The following ZNF414 variants were observed in gnomAD, a reference collection of about 807,000 sequenced individuals.
ZNF414 encodes zinc finger protein 414.
ZNF414 carries 32 observed loss-of-function variants against 38.3 expected under a neutral mutation model. The ratio of observed to expected loss-of-function variants is 0.83; its 90% confidence interval spans 0.63 to 1.12. The LOEUF is 1.12. ZNF414 is among the 50% of genes most tolerant of loss of function. ZNF414 has a pLI of 0.00. For missense variants in ZNF414, 589 were observed against 557.4 expected (o/e 1.06, Z -0.57); for synonymous variants, 256 against 248.0 (o/e 1.03, Z -0.30).
rs1200533335 is a variant in ZNF414 at position 8,510,884 on chromosome 19, C to T, written c.1066G>A (p.Ala356Thr). Residue 356 changes from alanine to threonine, a missense_variant, in exon 7 of 8, where the codon GCG becomes ACG. Physicochemically the swap from Ala to Thr is moderately conservative, Grantham distance 58 (BLOSUM62 0). Transcript: ENST00000393927. ...DHRPGAPAAPAAGPPRPDAPA... is the reference protein window; with the variant it reads ...DHRPGAPAAPTAGPPRPDAPA... ...GCGTCGGGGCGCGGCGGCCCGGCCG[C>T]GGGGGCCGCGGGGGCGCCGGGGCGG... The T allele has an allele frequency of 4.5e-6, 5 of 1,117,348 alleles. No homozygotes were observed. The highest frequency in any genetic ancestry group is 5.5e-6 in the Non-Finnish European group (5 of 905,806). 69.2% of individuals were successfully genotyped at this position (1,117,348 alleles called of 1,614,324 possible).
intron 6 of ZNF414, 59 bp downstream of exon 6, chr19:8,511,427 C>T (rs200952734): frequency 1.3e-6 from 2 of 1,585,114 alleles, no homozygotes; most frequent in East Asian, 2.3e-5. Context: ...TCCACCAGAC[C>T]CCGCAGGGCG....
Position 8,513,102 on chromosome 19 carries a change from G to T in ZNF414, c.243C>A (p.Pro81=). ...APDSCQPGPG[P]SPGLTSIVSG... Reference sequence around the variant, plus strand: ...AGACTATGCTGGTCAGGCCAGGGCTGGGTCCGGGGCCAGGCTGGCAGCTGT... The same window carrying T: ...AGACTATGCTGGTCAGGCCAGGGCTTGGTCCGGGGCCAGGCTGGCAGCTGT... The change falls in exon 2 of 8, where the codon CCC becomes CCA. Residue 81 remains proline (P), a synonymous_variant. Coordinates refer to ENST00000393927, the MANE Select transcript of ZNF414 (RefSeq NM_001146175.2). 6.5e-7 allele frequency: 1 copy of T among 1,533,864 alleles called. No homozygotes were observed. The highest frequency in any genetic ancestry group is 1.4e-5 in the African/African-American group (1 of 72,476).
At position 8,511,701 on chromosome 19, in the gene ZNF414, G is replaced by T; in HGVS notation, c.790C>A (p.Leu264Ile). ...AAGGGGCGCAGGCGCGGGGGGCTTA[G>T]GCCAAAGGGCGCAGGGTTCAAGTAG... ...LPYLNPAPFG[L>I]SPPRLRPFLA... Residue 264 changes from leucine to isoleucine, a missense_variant, in exon 5 of 8, where the codon CTA (leucine) becomes ATA (isoleucine). By Grantham distance (5) the Leu-to-Ile change is conservative (BLOSUM62 2). Coordinates refer to ENST00000393927, the MANE Select transcript of ZNF414 (RefSeq NM_001146175.2). 6.7e-7 allele frequency: 1 copy of T among 1,489,772 alleles called. No homozygotes were observed. 92.3% of individuals were successfully genotyped at this position (1,489,772 alleles called of 1,614,324 possible).
Position 8,511,679 on chromosome 19 carries a change from G to C in ZNF414, c.812C>G (p.Pro271Arg). The change falls in exon 5 of 8, where the codon CCC becomes CGC. Residue 271 changes from proline (P) to arginine (R), a missense_variant. Pro to Arg is a moderately radical substitution (Grantham distance 103). Transcript: ENST00000393927. ...CGGCCCGGGTGCAGCGGCCAGGAAG[G>C]GGCGCAGGCGCGGGGGGCTTAGGCC... ...PFGLSPPRLR[P>R]FLAAAPGPPA... 2.7e-6 allele frequency: 4 copies of C among 1,496,928 alleles called. No homozygotes were observed. Among genetic ancestry groups the C allele is most frequent in the Non-Finnish European group, 3.5e-6 (4 of 1,127,956 alleles). The allele number at this position is 1,496,928 out of a possible 1,614,324, so 92.7% of individuals were successfully genotyped here.
In ZNF414 at chr19:8,510,973, G is replaced by C. The variant is rs572372315; in HGVS notation, c.977C>G (p.Ser326Trp). The change falls in exon 7 of 8, where the codon TCG (serine) becomes TGG (tryptophan). Residue 326 changes from serine to tryptophan, a missense_variant. Physicochemically the swap from Ser to Trp is radical, Grantham distance 177 (BLOSUM62 -3). Coordinates refer to ENST00000393927, the MANE Select transcript of ZNF414 (RefSeq NM_001146175.2). ...CGTGGAGAAGGCGCACTGCATGCAC[G>C]AGTAGCGGCCGCGTGTGTGCTCCCA... ...IVWEHTRGRY[S>W]CMQCAFSTAS... is the part of the protein sequence containing the mutation. 1 of 1,267,654 alleles carries C rather than the reference G, an allele frequency of 7.9e-7. No homozygotes were observed. The highest frequency in any genetic ancestry group is 1.6e-5 in the African/African-American group (1 of 64,498). The allele number at this position is 1,267,654 out of a possible 1,614,324, so 78.5% of individuals were successfully genotyped here. A position where few individuals can be genotyped will look rare whatever the true frequency, so the allele number is the denominator to read the frequency against.
At chr19:8,511,243 G>A (rs1475661892) in intron 6 of ZNF414, 7 of 1,373,100 alleles carry the variant, frequency 5.1e-6, no homozygotes, top group Non-Finnish European at 6.6e-6. Flanking sequence ...CAGATTCACT[G>A]TTGGGGAGAA....
At chr19:8,511,301 A>G in intron 6 of ZNF414, 185 bp downstream of exon 6, 1 of 1,430,140 alleles carries the variant, frequency 7.0e-7, no homozygotes, top group Non-Finnish European at 9.1e-7. Context: ...TTATACGGGA[A>G]CGCCGGCGCA....
chr19:8,514,008 G>T, intron 1 of ZNF414, 36 bp downstream of exon 1: 1 of 1,441,146 alleles, frequency 6.9e-7, no homozygotes, highest in Non-Finnish European at 9.1e-7. Flanking sequence ...AGTCCCCGCA[G>T]CTCCGCCGCG....
At position 8,513,293 on chromosome 19, in the gene ZNF414, G is replaced by T. The variant is rs1486931077; in HGVS notation, c.52C>A (p.Pro18Thr). 3.8e-6 allele frequency: 6 copies of T among 1,596,944 alleles called. No individual in the cohort carries two copies. Among genetic ancestry groups the T allele is most frequent in the Non-Finnish European group, 5.1e-6 (6 of 1,178,846 alleles). The change falls in exon 2 of 8, where the codon CCC becomes ACC. Residue 18 changes from proline to threonine, a missense_variant. By Grantham distance (38) the Pro-to-Thr change is conservative. Coordinates refer to ENST00000393927, the MANE Select transcript of ZNF414 (RefSeq NM_001146175.2). ...TCCTTGTCGGTCTCACTGGAGCTGG[G>T]CTCTGCAGTGGCCAGCATGTCTGGG... is the stretch of plus-strand genomic sequence containing the variant. The part of the protein sequence containing the change: ...PIPDMLATAE[P>T]SSSETDKEVL...
chr19:8,511,909 G>C lies in ZNF414; in HGVS notation c.582C>G (p.His194Gln). 2.1e-6 allele frequency: 3 copies of C among 1,414,894 alleles called. No homozygotes were observed. The highest frequency in any genetic ancestry group is 1.8e-6 in the Non-Finnish European group (2 of 1,091,994). 87.6% of individuals were successfully genotyped at this position (1,414,894 alleles called of 1,614,324 possible). A position where few individuals can be genotyped will look rare whatever the true frequency, so the allele number is the denominator to read the frequency against. ...GCGCATGCTCCGCGCAAACATGCAG[G>C]TGCTTGAAGAGCGAGCGGTGCGTGC... Reference protein sequence around the residue: ...RFRTHRSLFKHLHVCAEHAQS... With the variant: ...RFRTHRSLFKQLHVCAEHAQS... Residue 194 changes from histidine (H) to glutamine (Q), a missense_variant, in exon 5 of 8, where the codon CAC becomes CAG. By Grantham distance (24) the His-to-Gln change is conservative (BLOSUM62 0). Coordinates refer to ENST00000393927, the MANE Select transcript of ZNF414 (RefSeq NM_001146175.2).
chr19:8,511,103 CG>C (rs1971907067), intron 6 of ZNF414, 79 bp from the exon 7 acceptor site: 1 of 1,284,262 alleles, frequency 7.8e-7, no homozygotes. Context: ...AGGACGCCGG[CG>C]AGGGTGGGTG....
rs982750885 is a variant in ZNF414 at position 8,509,868 on chromosome 19, A to G, written c.*823T>C. 1.3e-5 allele frequency: 2 copies of G among 151,882 alleles called. No individual in the cohort carries two copies. The highest frequency in any genetic ancestry group is 2.9e-5 in the Non-Finnish European group (2 of 67,964). The allele number at this position is 151,882 out of a possible 1,614,324, so 9.4% of individuals were successfully genotyped here. ...ACCTGGCTAATTTTTTGTGTTTAGTAGAGATGGGGTTTTACCATGTAAGTC... is the reference window on the plus strand; with the variant it reads ...ACCTGGCTAATTTTTTGTGTTTAGTGGAGATGGGGTTTTACCATGTAAGTC... On this transcript the variant is annotated 3_prime_UTR_variant, in exon 8 of 8. Coordinates refer to ENST00000393927, the MANE Select transcript of ZNF414 (RefSeq NM_001146175.2).
chr19:8,514,023 C>T (rs767954532), intron 1 of ZNF414, 21 bp downstream of exon 1: 3 of 1,453,216 alleles, frequency 2.1e-6, no homozygotes, highest in East Asian at 3.0e-5. Flanking sequence ...GCCGCGCCCG[C>T]GACCCCGGTG....
At position 8,511,803 on chromosome 19, in the gene ZNF414, A is replaced by T. The variant is rs1234579131; in HGVS notation, c.688T>A (p.Ser230Thr). 3 of 1,401,570 alleles carry T rather than the reference A, an allele frequency of 2.1e-6. No homozygotes were observed. The highest frequency in any genetic ancestry group is 1.5e-5 in the African/African-American group (1 of 66,414). 86.8% of individuals were successfully genotyped at this position (1,401,570 alleles called of 1,614,324 possible). A position where few individuals can be genotyped will look rare whatever the true frequency, so the allele number is the denominator to read the frequency against. The stretch of plus-strand genomic sequence containing the variant: ...AGCGGGAACGGCAGGCCCGGCGCTG[A>T]TGCGGGGTCAACCTCCGGGGGGCGC... Reference protein sequence around the residue: ...PERPPEVDPASAPGLPFPLLE... With the variant: ...PERPPEVDPATAPGLPFPLLE... Residue 230 changes from serine (S) to threonine (T), a missense_variant, in exon 5 of 8, where the codon TCA becomes ACA. Transcript: ENST00000393927.
Position 8,510,593 on chromosome 19 carries a change from C to A in ZNF414, c.*98G>T. 12 of 1,349,408 alleles carry A rather than the reference C, an allele frequency of 8.9e-6. No homozygotes were observed. The highest frequency in any genetic ancestry group is 1.2e-5 in the Non-Finnish European group (12 of 992,110). The allele number at this position is 1,349,408 out of a possible 1,614,324, so 83.6% of individuals were successfully genotyped here. ...GAACACAGCATAGGCTGGCTCATGG[C>A]GCCTTCTTTATTGTCCACCCCAGCC... is the stretch of plus-strand genomic sequence containing the variant. On this transcript the variant is annotated 3_prime_UTR_variant, in exon 8 of 8. Coordinates refer to ENST00000393927, the MANE Select transcript of ZNF414 (RefSeq NM_001146175.2).
At position 8,510,396 on chromosome 19, in the gene ZNF414, C is replaced by A; in HGVS notation, c.*295G>T. On this transcript the variant is annotated 3_prime_UTR_variant, in exon 8 of 8. Transcript: ENST00000393927. ...CGCTGCCACAGTGGGTACTGGGGAC[C>A]TCAACCACAGCTGGAGGTGGGGACC... The A allele has an allele frequency of 3.3e-6, 1 of 306,720 alleles. No individual in the cohort carries two copies. The highest frequency in any genetic ancestry group is 2.2e-5 in the African/African-American group (1 of 46,094). The allele number at this position is 306,720 out of a possible 1,614,324, so 19.0% of individuals were successfully genotyped here.
Position 8,510,672 on chromosome 19 carries a change from AC to A in ZNF414, c.*18del, listed in dbSNP as rs1215299325. ...CAAAACTACCCACATCCCATGGCCC[AC>A]CCCCAAAGCGGCGGGATTCAGAGCT... On this transcript the variant is annotated 3_prime_UTR_variant, in exon 8 of 8. Transcript: ENST00000393927. 3 of 1,495,846 alleles carry A rather than the reference AC, an allele frequency of 2.0e-6. No individual in the cohort carries two copies. The highest frequency in any genetic ancestry group is 2.6e-5 in the East Asian group (1 of 38,136). The allele number at this position is 1,495,846 out of a possible 1,614,324, so 92.7% of individuals were successfully genotyped here.
At chr19:8,512,108 T>G (rs1457788221) in intron 4 of ZNF414, 148 bp from the exon 5 acceptor site, 1 of 1,424,408 alleles carries the variant, frequency 7.0e-7, no homozygotes, top group Admixed American at 2.9e-5. Flanking sequence ...GCAGCGACCC[T>G]TCCTGACCAC....
At chr19:8,513,775 G>A (rs1303706232) in intron 1 of ZNF414, among the ~76,000 whole-genome samples, 1 of 152,182 alleles carries the variant, frequency 6.6e-6, no homozygotes, top group East Asian at 1.9e-4. Flanking sequence ...ATTGTCTGAG[G>A]ACCGAGACCG....
Sources: gnomAD v4.1 joint callset for allele counts (sites outside exome capture counted in the v4.1 genomes callset) on GRCh38, gnomAD v4.1.1 for gene constraint, MANE v1.5 for transcripts, NCBI Gene and HGNC (gene_info 2026-07-23, HGNC 2026-07-21) for gene names.